Variants in TAOK3 observed in about 807,000 individuals in gnomAD.
TAOK3 encodes serine/threonine-protein kinase TAO3.
In TAOK3, 40 loss-of-function variants were observed where a neutral mutation model predicts 120.4. That is an observed-to-expected ratio of 0.33 (90% CI 0.26 to 0.43). The LOEUF (loss-of-function observed/expected upper bound fraction) is 0.43, where lower values mean the gene tolerates loss of function less well. Among genes scored for constraint, TAOK3 ranks in the 20% least tolerant of loss-of-function variants. TAOK3 has a pLI of 1.00. For synonymous variants in TAOK3, 355 were observed against 387.5 expected (o/e 0.92, Z 0.99); for missense variants, 821 against 1,112.1 (o/e 0.74, Z 3.72).
At chr12:118,230,689 T>A (rs1459139164) in intron 9 of TAOK3, among the ~76,000 whole-genome samples, 12 of 152,030 alleles carry the variant, frequency 7.9e-5, no homozygotes, top group Non-Finnish European at 2.9e-5. Flanking sequence ...CAGGATGGTC[T>A]CGATCTCCTG....
intron 1 of TAOK3, among the ~76,000 whole-genome samples, chr12:118,359,336 A>G (rs571156629): frequency 3.3e-5 from 5 of 152,292 alleles, no homozygotes; most frequent in African/African-American, 1.2e-4. Context: ...AAGTCTATCA[A>G]TGCTCACCGT....
intron 13 of TAOK3, among the ~76,000 whole-genome samples, chr12:118,193,738 C>T (rs56210304): frequency 0.019 from 2,900 of 152,286 alleles, 99 homozygotes; most frequent in African/African-American, 0.066. Context: ...CGTGAGCCAC[C>T]GTGCCTGGCT....
chr12:118,323,595 A>G (rs1211663974), intron 1 of TAOK3, among the ~76,000 whole-genome samples: 1 of 152,186 alleles, frequency 6.6e-6, no homozygotes, highest in African/African-American at 2.4e-5. Flanking sequence ...AAATAAGATG[A>G]TAGCTTCAGC....
chr12:118,341,526 T>TA (rs2044619543), intron 1 of TAOK3, among the ~76,000 whole-genome samples: 1 of 152,148 alleles, frequency 6.6e-6, no homozygotes. Flanking sequence ...AAATCTAATA[T>TA]AAAAACCAGA....
Position 118,371,005 on chromosome 12 carries a change from A to T in TAOK3, c.-194+1643T>A, listed in dbSNP as rs552634447. ...ACTCCAAAACCTCTTTTGAAAATTT[A>T]GTTTGACCTTCCAACTATCTCCAAC... On this transcript the variant is annotated intron_variant, in intron 1 of 20. Transcript: ENST00000392533. This position sits in a 1 kb window ranked among gnomAD's most constrained non-coding sequence, Gnocchi z 5.5. Among the ~76,000 whole-genome samples, 20 of 152,334 alleles carry T rather than the reference A, an allele frequency of 1.3e-4. No individual in the cohort carries two copies. The highest frequency in any genetic ancestry group is 2.8e-4 in the Non-Finnish European group (19 of 68,022).
chr12:118,324,837 C>A (rs1053819157), intron 1 of TAOK3, among the ~76,000 whole-genome samples: 1 of 148,388 alleles, frequency 6.7e-6, no homozygotes, highest in African/African-American at 2.5e-5. Flanking sequence ...TTCTGCCTCC[C>A]GGGTTCACGC....
intron 9 of TAOK3, among the ~76,000 whole-genome samples, chr12:118,222,192 G>A (rs1179540668): frequency 6.6e-6 from 1 of 151,966 alleles, no homozygotes; most frequent in Non-Finnish European, 1.5e-5. Flanking sequence ...ATTTACAAAC[G>A]GAAAGATATG....
At chr12:118,175,741 A>G (rs1490134320) in intron 16 of TAOK3, among the ~76,000 whole-genome samples, 1 of 152,234 alleles carries the variant, frequency 6.6e-6, no homozygotes. Flanking sequence ...TCTACAAATA[A>G]GAAATACTAA....
chr12:118,319,722 C>G (rs1339648762), intron 1 of TAOK3, among the ~76,000 whole-genome samples: 1 of 152,048 alleles, frequency 6.6e-6, no homozygotes, highest in African/African-American at 2.4e-5. Flanking sequence ...TGTGAAGACA[C>G]TGGAACCCTT....
At chr12:118,164,549 C>T (rs898380538) in intron 17 of TAOK3, among the ~76,000 whole-genome samples, 2 of 151,924 alleles carry the variant, frequency 1.3e-5, no homozygotes, top group African/African-American at 4.8e-5. Flanking sequence ...TCCCGAGTAG[C>T]TGGGATTACA....
intron 3 of TAOK3, chr12:118,245,971 T>G: frequency 1.8e-6 from 1 of 553,030 alleles, no homozygotes. Flanking sequence ...TAAAAATGTT[T>G]TGGTCAAAAA....
intron 1 of TAOK3, among the ~76,000 whole-genome samples, chr12:118,350,903 G>T (rs1385520221): frequency 6.6e-6 from 1 of 151,282 alleles, no homozygotes; most frequent in South Asian, 2.1e-4. Context: ...AAAAGGCCAG[G>T]TGTGGTGGTT....
chr12:118,369,006 A>C, intron 1 of TAOK3, among the ~76,000 whole-genome samples: 1 of 119,714 alleles, frequency 8.4e-6, no homozygotes, highest in Non-Finnish European at 1.8e-5. Flanking sequence ...TAAAAATAGA[A>C]AAAAAAAAAA....
At chr12:118,261,052 C>G (rs561970449) in intron 2 of TAOK3, among the ~76,000 whole-genome samples, 1 of 152,248 alleles carries the variant, frequency 6.6e-6, no homozygotes, top group South Asian at 2.1e-4. Context: ...GGTTGCATAG[C>G]AGAGGAGACT....
chr12:118,256,268 G>A (rs1024472769), intron 2 of TAOK3, among the ~76,000 whole-genome samples: 1 of 152,186 alleles, frequency 6.6e-6, no homozygotes, highest in African/African-American at 2.4e-5. Flanking sequence ...AGTAAGATAA[G>A]TGTTTGTGAA....
At position 118,372,441 on chromosome 12, in the gene TAOK3, C is replaced by G. The variant is rs1446433912; in HGVS notation, c.-194+207G>C. 1.3e-5 allele frequency among the ~76,000 whole-genome samples: 2 copies of G among 151,150 alleles called. No individual in the cohort carries two copies. The highest frequency in any genetic ancestry group is 1.3e-4 in the Admixed American group (2 of 15,170). ...AGACCCCTCCCCTCAGACTTTCAGT[C>G]TTGGACCCTCTCGGAGTCCTCTCCA... On this transcript the variant is annotated intron_variant, in intron 1 of 20. Transcript: ENST00000392533. The surrounding 1 kb of genome is among the most constrained non-coding windows in gnomAD (Gnocchi z 4.6).
chr12:118,271,426 C>T (rs1211716097), intron 1 of TAOK3, among the ~76,000 whole-genome samples: 5 of 152,280 alleles, frequency 3.3e-5, no homozygotes, highest in Non-Finnish European at 7.4e-5. Flanking sequence ...TTCATATAAA[C>T]GGAATCATAC....
chr12:118,262,826 C>CAAAAA (rs61453663), intron 2 of TAOK3, among the ~76,000 whole-genome samples: 6 of 73,804 alleles, frequency 8.1e-5, no homozygotes, highest in African/African-American at 2.9e-4. Context: ...GACTCCGTCT[C>CAAAAA]AAAAAAAAAA....
At chr12:118,228,170 G>A (rs1409263472) in intron 9 of TAOK3, among the ~76,000 whole-genome samples, 1 of 59,172 alleles carries the variant, frequency 1.7e-5, no homozygotes, top group Non-Finnish European at 3.4e-5. Context: ...TTTTTTTTTT[G>A]AGATGGAGTT....
Sources: allele counts gnomAD v4.1 joint callset (sites outside exome capture counted in the v4.1 genomes callset), GRCh38; gene constraint gnomAD v4.1.1; non-coding constraint Gnocchi (gnomAD v3.1); transcripts MANE v1.5; gene names NCBI Gene and HGNC (gene_info 2026-07-23, HGNC 2026-07-21).